GAREM1: variants seen among roughly 807,000 people sequenced by gnomAD.
GAREM1 encodes GRB2-associated and regulator of MAPK protein 1.
In GAREM1, 26 loss-of-function variants were observed where a neutral mutation model predicts 71.3. That is an observed-to-expected ratio of 0.36 (90% CI 0.27 to 0.51). The LOEUF (loss-of-function observed/expected upper bound fraction) is 0.51, where lower values mean the gene tolerates loss of function less well. GAREM1 is among the 20% of genes least tolerant of loss of function. GAREM1 has a pLI of 0.95. For synonymous variants in GAREM1, 440 were observed against 433.2 expected, an observed-to-expected ratio of 1.02 and a Z score of -0.20; for missense variants, 1,026 against 1,103.1, an observed-to-expected ratio of 0.93 and a Z score of 0.99.
intron 3 of GAREM1, among the ~76,000 whole-genome samples, chr18:32,298,452 T>C (rs570030607): frequency 6.6e-6 from 1 of 152,150 alleles, no homozygotes; most frequent in Non-Finnish European, 1.5e-5. Flanking sequence ...TGCTTCCGTA[T>C]GTGTGTCTGG....
chr18:32,318,170 T>C (rs903818825), intron 2 of GAREM1, among the ~76,000 whole-genome samples: 3 of 152,326 alleles, frequency 2.0e-5, no homozygotes, highest in South Asian at 2.1e-4. Context: ...TCGCTGATTA[T>C]GGTTTAAATA....
chr18:32,284,496 G>C (rs2046989106), intron 4 of GAREM1, among the ~76,000 whole-genome samples: 1 of 152,138 alleles, frequency 6.6e-6, no homozygotes, highest in Non-Finnish European at 1.5e-5. Context: ...AAAAACAAGT[G>C]ATGCTAGTTT....
chr18:32,287,889 G>A lies in GAREM1; in HGVS notation c.708C>T (p.Ile236=). Residue 236 remains isoleucine (I), a synonymous_variant, in exon 4 of 6, where the codon ATC becomes ATT. Transcript: ENST00000269209. The surrounding 1 kb of genome is among the most constrained non-coding windows in gnomAD (Gnocchi z 5.9). ...ELQMQEGEHT[I]RNIVEKTRLP... is the part of the protein sequence containing the mutation. ...GCCTGGTTTTCTCCACAATGTTGCG[G>A]ATGGTGTGTTCGCCCTCTTGCATCT... 8.7e-6 allele frequency: 14 copies of A among 1,614,120 alleles called. No homozygotes were observed. Among genetic ancestry groups the A allele is most frequent in the Non-Finnish European group, 1.1e-5 (13 of 1,180,016 alleles).
At chr18:32,294,252 C>G (rs1273609259) in intron 3 of GAREM1, among the ~76,000 whole-genome samples, 1 of 152,072 alleles carries the variant, frequency 6.6e-6, no homozygotes, top group Non-Finnish European at 1.5e-5. Context: ...TCAATTCACC[C>G]TCACATGATT....
At chr18:32,385,840 A>G (rs2048142506) in intron 2 of GAREM1, among the ~76,000 whole-genome samples, 1 of 152,194 alleles carries the variant, frequency 6.6e-6, no homozygotes, top group African/African-American at 2.4e-5. Flanking sequence ...CTCAGCTTGT[A>G]CTTGTATGAA....
chr18:32,378,429 G>A (rs964364843), intron 2 of GAREM1, among the ~76,000 whole-genome samples: 2 of 151,760 alleles, frequency 1.3e-5, no homozygotes, highest in African/African-American at 4.8e-5. Flanking sequence ...GAACCTGGGA[G>A]GGGGAGGTTG....
At chr18:32,289,202 C>G (rs1019710041) in intron 3 of GAREM1, among the ~76,000 whole-genome samples, 1 of 152,148 alleles carries the variant, frequency 6.6e-6, no homozygotes, top group African/African-American at 2.4e-5. Flanking sequence ...CCTAACCCTC[C>G]CAAGTATCTG....
In GAREM1 at chr18:32,428,780, G is replaced by A. The variant is rs1352157119; in HGVS notation, c.122-35745C>T. Reference sequence around the variant, plus strand: ...CCAGACACAACATTTAATACTAAATGCTTCAACTCTCCAGACACAGTTGAT... The same window carrying A: ...CCAGACACAACATTTAATACTAAATACTTCAACTCTCCAGACACAGTTGAT... On this transcript the variant is annotated intron_variant, in intron 1 of 5. Coordinates refer to ENST00000269209, the MANE Select transcript of GAREM1 (RefSeq NM_001242409.2). Among the ~76,000 whole-genome samples, 4 of 152,250 alleles carry A rather than the reference G, an allele frequency of 2.6e-5. No individual in the cohort carries two copies. The East Asian group carries it at 7.7e-4, about 29-fold the overall frequency.
intron 1 of GAREM1, among the ~76,000 whole-genome samples, chr18:32,469,790 A>C (rs1405285327): frequency 2.0e-5 from 3 of 152,208 alleles, no homozygotes; most frequent in Non-Finnish European, 2.9e-5. Flanking sequence ...AGTTGGGTTA[A>C]ACAAAACAGA....
intron 1 of GAREM1, among the ~76,000 whole-genome samples, chr18:32,445,483 C>A (rs1413598508): frequency 2.0e-5 from 3 of 151,990 alleles, no homozygotes; most frequent in African/African-American, 7.2e-5. Flanking sequence ...CCCCCTAGAA[C>A]CCCATTCACA....
chr18:32,279,783 T>C (rs955788210), intron 4 of GAREM1, among the ~76,000 whole-genome samples: 3 of 152,174 alleles, frequency 2.0e-5, no homozygotes, highest in Non-Finnish European at 2.9e-5. Flanking sequence ...TTGGGGACTG[T>C]GGCAATTGGA....
chr18:32,365,073 A>AT (rs768736863), intron 2 of GAREM1, among the ~76,000 whole-genome samples: 22 of 150,944 alleles, frequency 1.5e-4, no homozygotes, highest in East Asian at 3.9e-4. Context: ...CATCTACAGA[A>AT]TTTTTTTTTT....
intron 1 of GAREM1, among the ~76,000 whole-genome samples, chr18:32,421,708 C>T (rs946773612): frequency 7.2e-5 from 11 of 152,072 alleles, no homozygotes; most frequent in Non-Finnish European, 1.6e-4. Flanking sequence ...CTAGAAAGCC[C>T]TTCCCCCATA....
At chr18:32,387,023 CT>C (rs11346918) in intron 2 of GAREM1, among the ~76,000 whole-genome samples, 111,215 of 140,310 alleles carry the variant, frequency 0.79, 42,534 homozygotes, top group Middle Eastern at 0.88. Context: ...GGTTTATATT[CT>C]TTTTTTTTTT....
At chr18:32,463,161 T>C (rs2048967900) in intron 1 of GAREM1, among the ~76,000 whole-genome samples, 1 of 152,168 alleles carries the variant, frequency 6.6e-6, no homozygotes, top group Non-Finnish European at 1.5e-5. Flanking sequence ...AATGTGTACA[T>C]ATACTGAAAT....
At chr18:32,424,947 T>C (rs995406942) in intron 1 of GAREM1, among the ~76,000 whole-genome samples, 3 of 152,132 alleles carry the variant, frequency 2.0e-5, no homozygotes, top group African/African-American at 7.2e-5. Context: ...AAAGGGTATA[T>C]CAAACCGTTC....
At chr18:32,276,924 G>C (rs2041550970) in intron 4 of GAREM1, among the ~76,000 whole-genome samples, 1 of 152,210 alleles carries the variant, frequency 6.6e-6, no homozygotes, top group South Asian at 2.1e-4. Context: ...CTACACTTTA[G>C]TGCTCACAGA....
intron 1 of GAREM1, among the ~76,000 whole-genome samples, chr18:32,396,520 A>G (rs1417282987): frequency 6.6e-6 from 1 of 152,246 alleles, no homozygotes; most frequent in Non-Finnish European, 1.5e-5. Context: ...CACAAGCTTC[A>G]GTAGCCGATG....
At chr18:32,327,002 G>A (rs2047480635) in intron 2 of GAREM1, among the ~76,000 whole-genome samples, 3 of 152,202 alleles carry the variant, frequency 2.0e-5, no homozygotes, top group African/African-American at 7.2e-5. Context: ...TCAGGGAACA[G>A]AGATACATTC....
Sources: allele counts gnomAD v4.1 joint callset (sites outside exome capture counted in the v4.1 genomes callset), GRCh38; gene constraint gnomAD v4.1.1; non-coding constraint Gnocchi (gnomAD v3.1); transcripts MANE v1.5; gene names NCBI Gene and HGNC (gene_info 2026-07-23, HGNC 2026-07-21).